The following LRRC7 variants were observed in gnomAD, a reference collection of about 807,000 sequenced individuals.
The protein encoded by LRRC7 is leucine rich repeat containing 7.
In LRRC7, 23 loss-of-function variants were observed where a neutral mutation model predicts 175.7. The observed-to-expected ratio is 0.13, with a 90% CI of 0.09 to 0.19. The LOEUF (loss-of-function observed/expected upper bound fraction) is 0.19, where lower values mean the gene tolerates loss of function less well. LRRC7 is among the 10% of genes least tolerant of loss of function. LRRC7 has a pLI of 1.00. For synonymous variants in LRRC7, 685 were observed against 680.9 expected (o/e 1.01, Z -0.09); for missense variants, 1,354 against 1,904.7 (o/e 0.71, Z 5.38).
At chr1:69,824,736 G>T (rs971233691) in intron 4 of LRRC7, among the ~76,000 whole-genome samples, 2 of 152,094 alleles carry the variant, frequency 1.3e-5, no homozygotes, top group Non-Finnish European at 2.9e-5. Context: ...TCATCAAAAA[G>T]TTCAATTATA....
At chr1:69,659,566 A>G (rs987785330) in intron 1 of LRRC7, among the ~76,000 whole-genome samples, 7 of 151,936 alleles carry the variant, frequency 4.6e-5, no homozygotes, top group African/African-American at 1.7e-4. Context: ...ATAATAACTG[A>G]TATCTCAACA....
intron 2 of LRRC7, among the ~76,000 whole-genome samples, chr1:69,690,911 A>T (rs1333876261): frequency 6.6e-6 from 1 of 152,184 alleles, no homozygotes; most frequent in Non-Finnish European, 1.5e-5. Flanking sequence ...TTCTTTGGTG[A>T]CTCAGCTTCT....
chr1:70,117,270 G>A (rs1454022885), intron 26 of LRRC7, among the ~76,000 whole-genome samples: 2 of 152,156 alleles, frequency 1.3e-5, no homozygotes, highest in East Asian at 3.9e-4. Context: ...TGGATAATAA[G>A]AATGCAACAG....
At chr1:69,680,589 A>G (rs1177893567) in intron 2 of LRRC7, among the ~76,000 whole-genome samples, 1 of 151,826 alleles carries the variant, frequency 6.6e-6, no homozygotes, top group Non-Finnish European at 1.5e-5. Context: ...TCTTGCATAG[A>G]GGTCTTTATT....
chr1:70,041,709 T>C (rs1474052864), intron 21 of LRRC7, among the ~76,000 whole-genome samples: 1 of 152,212 alleles, frequency 6.6e-6, no homozygotes, highest in Non-Finnish European at 1.5e-5. Flanking sequence ...AACAGAGGAA[T>C]GAGTGAAAAC....
At chr1:69,656,637 C>T (rs568870619) in intron 1 of LRRC7, among the ~76,000 whole-genome samples, 1 of 152,066 alleles carries the variant, frequency 6.6e-6, no homozygotes, top group South Asian at 2.1e-4. Context: ...AACTCTGTTG[C>T]AGCATATGTT....
At chr1:70,037,661 A>G (rs1335025266) in intron 20 of LRRC7, among the ~76,000 whole-genome samples, 1 of 152,200 alleles carries the variant, frequency 6.6e-6, no homozygotes, top group Non-Finnish European at 1.5e-5. Context: ...ATCTCCAGGA[A>G]TGGGTATCAG....
At chr1:69,875,266 T>C (rs1685938418) in intron 7 of LRRC7, among the ~76,000 whole-genome samples, 1 of 152,058 alleles carries the variant, frequency 6.6e-6, no homozygotes, top group Admixed American at 6.6e-5. Context: ...ACAGCAGCAA[T>C]AAAAGTCTGC....
At position 69,872,172 on chromosome 1, in the gene LRRC7, C is replaced by T. The variant is rs563379355; in HGVS notation, c.647+33889C>T. ...ATTGCATTTGTCTGAGCATATCCAA[C>T]GTTTAAATTAGTACAAGTTGGTAAA... On this transcript the variant is annotated intron_variant, in intron 7 of 26. Transcript: ENST00000651989. 1.4e-4 allele frequency among the ~76,000 whole-genome samples: 21 copies of T among 151,998 alleles called. 1 individual carries two copies. The South Asian group carries it at 3.7e-3, about 27-fold the overall frequency.
chr1:69,716,337 T>G, intron 2 of LRRC7: 1 of 403,100 alleles, frequency 2.5e-6, no homozygotes, highest in Non-Finnish European at 4.6e-6. Context: ...GCAGTTTTCA[T>G]GTTAACCTAT....
chr1:69,951,315 AG>A lies in LRRC7; in HGVS notation c.711+19748del, dbSNP rs201123950. On this transcript the variant is annotated intron_variant, in intron 8 of 26. Transcript: ENST00000651989. ...AGATACTGGCGAAGTTGCAGAAAAA[AG>A]GGAACACTTATACACTGTTGGTGAT... Among the ~76,000 whole-genome samples the A allele has an allele frequency of 4.9e-3, 753 of 152,230 alleles. 5 individuals are homozygous for A. The highest frequency in any genetic ancestry group is 0.016 in the African/African-American group (684 of 41,548).
intron 1 of LRRC7, among the ~76,000 whole-genome samples, chr1:69,602,515 T>A (rs990617373): frequency 6.8e-5 from 10 of 147,390 alleles, no homozygotes; most frequent in African/African-American, 2.7e-4. Context: ...TTAAAAGTAT[T>A]GGTGTTTATT....
intron 1 of LRRC7, among the ~76,000 whole-genome samples, chr1:69,621,864 A>G (rs74084934): frequency 0.024 from 3,677 of 152,114 alleles, 127 homozygotes; most frequent in African/African-American, 0.084. Flanking sequence ...TGTCTTCTTC[A>G]TTCTATTCAA....
intron 7 of LRRC7, among the ~76,000 whole-genome samples, chr1:69,914,102 C>G (rs1646616670): frequency 6.6e-6 from 1 of 152,080 alleles, no homozygotes; most frequent in African/African-American, 2.4e-5. Context: ...TTTTCCTGTC[C>G]TTGTGCCATG....
chr1:69,853,147 G>T (rs1042590773), intron 7 of LRRC7, among the ~76,000 whole-genome samples: 1 of 151,682 alleles, frequency 6.6e-6, no homozygotes, highest in Non-Finnish European at 1.5e-5. Flanking sequence ...TACTATGTTC[G>T]AATGATTGAT....
chr1:69,928,072 G>A (rs961295775), intron 7 of LRRC7, among the ~76,000 whole-genome samples: 7 of 152,174 alleles, frequency 4.6e-5, no homozygotes, highest in African/African-American at 1.2e-4. Flanking sequence ...AGGTCCACAC[G>A]AGACCCTGTT....
intron 1 of LRRC7, among the ~76,000 whole-genome samples, chr1:69,642,539 TTC>T (rs1391317702): frequency 4.7e-5 from 7 of 149,020 alleles, no homozygotes; most frequent in African/African-American, 1.6e-4. Flanking sequence ...GAGTTTCTCT[TTC>T]TTTCTCGTCT....
At position 70,126,259 on chromosome 1, in the gene LRRC7, G is replaced by A. The variant is rs770379269; in HGVS notation, c.*4372G>A. Among the ~76,000 whole-genome samples the A allele has an allele frequency of 2.4e-4, 37 of 151,812 alleles. No homozygotes were observed. The highest frequency in any genetic ancestry group is 4.1e-4 in the Non-Finnish European group (28 of 68,006). On this transcript the variant is annotated 3_prime_UTR_variant, in exon 27 of 27. Transcript: ENST00000651989. ...ATATTTGACTAATTTGTGATATGCC[G>A]ACCAAACAGCAAGTTTATTGGCACA...
At position 70,125,484 on chromosome 1, in the gene LRRC7, C is replaced by A; in HGVS notation, c.*3597C>A. ...TTATTTAAAAATAGGACTGACATAT[C>A]TTTCAACTGGTGAGCTAAAGAGAGA... is the stretch of plus-strand genomic sequence containing the variant. On this transcript the variant is annotated 3_prime_UTR_variant, in exon 27 of 27. Transcript: ENST00000651989. 6.6e-6 allele frequency among the ~76,000 whole-genome samples: 1 copy of A among 152,174 alleles called. No homozygotes were observed. Among genetic ancestry groups the A allele is most frequent in the East Asian group, 1.9e-4 (1 of 5,196 alleles).
Sources: allele counts gnomAD v4.1 joint callset (sites outside exome capture counted in the v4.1 genomes callset), GRCh38; gene constraint gnomAD v4.1.1; transcripts MANE v1.5; gene names NCBI Gene and HGNC (gene_info 2026-07-23, HGNC 2026-07-21).